The following CEP83 variants were observed in gnomAD, a reference collection of about 807,000 sequenced individuals.
The protein encoded by CEP83 is centrosomal protein of 83 kDa.
A neutral mutation model predicts 101.9 loss-of-function variants in CEP83; 70 were observed. The observed-to-expected ratio is 0.69, with a 90% CI of 0.57 to 0.84. CEP83 has a LOEUF of 0.84. Ranked by LOEUF, CEP83 falls within the 40% of genes least tolerant of loss-of-function variation. CEP83 has a pLI of 0.00. For missense variants in CEP83, 715 were observed against 787.2 expected (o/e 0.91, Z 1.10); for synonymous variants, 264 against 267.9 (o/e 0.99, Z 0.14).
intron 13 of CEP83, among the ~76,000 whole-genome samples, chr12:94,332,191 A>G (rs1174337718): frequency 1.3e-5 from 2 of 152,230 alleles, no homozygotes; most frequent in Non-Finnish European, 2.9e-5. Context: ...GATGTGAAGT[A>G]TAATAACCAT....
At chr12:94,282,473 C>A in the CEP83 span, 1 of 982,538 alleles carries the variant, frequency 1.0e-6, no homozygotes, top group Non-Finnish European at 1.6e-6. Flanking sequence ...TCTTTTAAAA[C>A]ATCCAGGACT....
intron 9 of CEP83, chr12:94,369,176 G>A (rs1051493694): frequency 5.3e-5 from 8 of 152,110 alleles, no homozygotes; most frequent in Admixed American, 2.6e-4. Flanking sequence ...AAGCCTACTC[G>A]GCTGGGCGTG....
the CEP83 span, among the ~76,000 whole-genome samples, chr12:94,301,233 AT>A: frequency 1.7e-3 from 259 of 152,302 alleles, 8 homozygotes; most frequent in South Asian, 0.053. Flanking sequence ...TTTTAATCTA[AT>A]TTTTTTAAAG....
At chr12:94,442,610 T>C (rs2066495671) in intron 1 of CEP83, among the ~76,000 whole-genome samples, 2 of 152,332 alleles carry the variant, frequency 1.3e-5, no homozygotes, top group Admixed American at 6.5e-5. Context: ...AAAGGTTTCA[T>C]TAAATAAATG....
chr12:94,329,563 G>A (rs1041558504), intron 14 of CEP83, among the ~76,000 whole-genome samples: 1 of 152,164 alleles, frequency 6.6e-6, no homozygotes, highest in African/African-American at 2.4e-5. Context: ...TGCTTCAAAA[G>A]AATTCAACCC....
the CEP83 span, among the ~76,000 whole-genome samples, chr12:94,290,337 T>C: frequency 6.6e-6 from 1 of 152,212 alleles, no homozygotes; most frequent in East Asian, 1.9e-4. Flanking sequence ...TTTAGTTTAA[T>C]TGCATCAAAT....
the CEP83 span, among the ~76,000 whole-genome samples, chr12:94,290,841 C>T: frequency 6.6e-6 from 1 of 152,220 alleles, no homozygotes; most frequent in Non-Finnish European, 1.5e-5. Context: ...GGAAAAGTCA[C>T]TTAGCTGATA....
At chr12:94,270,967 C>T in the CEP83 span, among the ~76,000 whole-genome samples, 20 of 152,126 alleles carry the variant, frequency 1.3e-4, no homozygotes, top group Non-Finnish European at 2.5e-4. Context: ...TGTCCCAGGG[C>T]TGCTGACTCT....
chr12:94,426,753 T>G (rs77119879), intron 2 of CEP83, among the ~76,000 whole-genome samples: 1 of 152,060 alleles, frequency 6.6e-6, no homozygotes, highest in Admixed American at 6.5e-5. Flanking sequence ...AACAATCACA[T>G]GTATCCTTCT....
chr12:94,286,616 CAA>C, the CEP83 span, among the ~76,000 whole-genome samples: 9,402 of 101,268 alleles, frequency 0.093, 460 homozygotes, highest in African/African-American at 0.24. Context: ...TGCTTAAAAG[CAA>C]AAAAAAAAAA....
the CEP83 span, among the ~76,000 whole-genome samples, chr12:94,275,803 C>A: frequency 8.5e-5 from 11 of 128,946 alleles, 2 homozygotes; most frequent in South Asian, 2.4e-4. Context: ...TGCAGTGAGC[C>A]GAGATCCCGC....
chr12:94,345,913 C>G (rs764186103), intron 11 of CEP83, among the ~76,000 whole-genome samples: 1 of 152,154 alleles, frequency 6.6e-6, no homozygotes, highest in Non-Finnish European at 1.5e-5. Flanking sequence ...CCGCAAGCCT[C>G]CAGACAGCTG....
At chr12:94,426,808 T>A (rs917773232) in intron 2 of CEP83, among the ~76,000 whole-genome samples, 1 of 151,984 alleles carries the variant, frequency 6.6e-6, no homozygotes, top group Non-Finnish European at 1.5e-5. Flanking sequence ...GAAGAGGCAA[T>A]GTGACCACGG....
chr12:94,426,041 G>A (rs1424784132), intron 2 of CEP83, among the ~76,000 whole-genome samples: 9 of 151,642 alleles, frequency 5.9e-5, no homozygotes, highest in Non-Finnish European at 1.3e-4. Flanking sequence ...AGAATGGTGT[G>A]AACCTGGGAG....
chr12:94,309,557 C>T (rs1166600923), intron 16 of CEP83, among the ~76,000 whole-genome samples: 1 of 152,140 alleles, frequency 6.6e-6, no homozygotes, highest in Non-Finnish European at 1.5e-5. Context: ...AGACATTGCA[C>T]GGAACATGCA....
At position 94,425,727 on chromosome 12, in the gene CEP83, T is replaced by A. The variant is rs577450387; in HGVS notation, c.-102+9548A>T. The stretch of plus-strand genomic sequence containing the variant: ...ATTTAATGGCTGTTCACAGACCGTC[T>A]TAATCTATGAAAAGATTTTTGCTTT... On this transcript the variant is annotated intron_variant, in intron 2 of 16. Transcript: ENST00000397809. 1.9e-3 allele frequency among the ~76,000 whole-genome samples: 293 copies of A among 152,334 alleles called. 1 individual carries two copies. Among genetic ancestry groups the A allele is most frequent in the African/African-American group, 6.6e-3 (276 of 41,576 alleles).
chr12:94,282,156 G>A, the CEP83 span: 1 of 610,654 alleles, frequency 1.6e-6, no homozygotes, highest in Non-Finnish European at 2.9e-6. Context: ...CAGAATTCAG[G>A]CTACCAGTCT....
chr12:94,371,293 GA>G (rs1314786915), intron 8 of CEP83, among the ~76,000 whole-genome samples: 4 of 151,768 alleles, frequency 2.6e-5, no homozygotes, highest in African/African-American at 9.7e-5. Context: ...TAAGAGGCAA[GA>G]AATGAATAAA....
intron 11 of CEP83, among the ~76,000 whole-genome samples, chr12:94,354,583 A>G (rs1361337678): frequency 6.6e-6 from 1 of 152,214 alleles, no homozygotes; most frequent in African/African-American, 2.4e-5. Context: ...AAAAATCAAT[A>G]TATCAAGTAT....
Sources: allele counts gnomAD v4.1 joint callset (sites outside exome capture counted in the v4.1 genomes callset), GRCh38; gene constraint gnomAD v4.1.1; transcripts MANE v1.5; gene names NCBI Gene and HGNC (gene_info 2026-07-23, HGNC 2026-07-21).